The following IL1RAPL2 variants were observed in gnomAD, a reference collection of about 807,000 sequenced individuals.
IL1RAPL2 encodes the protein interleukin 1 receptor accessory protein like 2.
IL1RAPL2 carries 3 observed loss-of-function variants against 44.1 expected under a neutral mutation model. That is an observed-to-expected ratio of 0.07 (90% confidence interval 0.03 to 0.18). IL1RAPL2 has a LOEUF of 0.18. Among genes scored for constraint, IL1RAPL2 ranks in the 10% least tolerant of loss-of-function variants. The probability of loss-of-function intolerance (pLI) is 1.00; values close to 1 mark genes in which losing one functional copy is unlikely to be tolerated. For synonymous variants in IL1RAPL2, 181 were observed against 178.8 expected (o/e 1.01, Z -0.10); for missense variants, 391 against 496.4 (o/e 0.79, Z 2.02).
At chrX:104,833,573 T>C (rs2147630523) in intron 2 of IL1RAPL2, among the ~76,000 whole-genome samples, 1 of 111,988 alleles carries the variant, frequency 8.9e-6, no homozygotes, top group South Asian at 3.8e-4. Flanking sequence ...CTGGTGTGCA[T>C]ATGGTTCTAC....
chrX:104,796,316 T>G (rs1459261996), intron 2 of IL1RAPL2, among the ~76,000 whole-genome samples: 3 of 112,057 alleles, frequency 2.7e-5, no homozygotes, highest in Non-Finnish European at 5.6e-5. Context: ...GTATCATTAT[T>G]GTTAAATATT....
chrX:104,844,499 C>T (rs1203060170), intron 2 of IL1RAPL2, among the ~76,000 whole-genome samples: 1 of 111,054 alleles, frequency 9.0e-6, no homozygotes, highest in Non-Finnish European at 1.9e-5. Flanking sequence ...GCAGTATTTA[C>T]AGGGTTATCC....
chrX:105,673,670 T>C (rs112457448), intron 6 of IL1RAPL2, among the ~76,000 whole-genome samples: 1,810 of 111,930 alleles, frequency 0.016, 16 homozygotes, highest in Middle Eastern at 0.032. Context: ...TTTTATTTCT[T>C]TGGGTATCTA....
intron 2 of IL1RAPL2, among the ~76,000 whole-genome samples, chrX:104,669,691 G>A: frequency 9.0e-6 from 1 of 111,633 alleles, no homozygotes. Context: ...TGATTCTAAT[G>A]TACAGCCAGG....
chrX:105,247,628 T>C (rs903842404), intron 4 of IL1RAPL2, among the ~76,000 whole-genome samples: 3 of 108,393 alleles, frequency 2.8e-5, no homozygotes, highest in African/African-American at 1.0e-4. Flanking sequence ...TGTGTGTGTG[T>C]GTGTGTGTGT....
At position 104,688,640 on chromosome X, in the gene IL1RAPL2, A is replaced by G. The variant is rs749115165; in HGVS notation, c.82+29645A>G. Among the ~76,000 whole-genome samples the G allele has an allele frequency of 1.5e-3, 170 of 111,753 alleles. 2 individuals are homozygous for G. Among genetic ancestry groups the G allele is most frequent in the African/African-American group, 5.4e-3 (167 of 30,852 alleles). ...GCCATGGAATGATTTAATATTTTTC[A>G]TATAACCTCTTCCTACTAAGATTTT... On this transcript the variant is annotated intron_variant, in intron 2 of 10. Coordinates refer to ENST00000372582, the MANE Select transcript of IL1RAPL2 (RefSeq NM_017416.2).
Position 104,896,575 on chromosome X carries a change from C to G in IL1RAPL2, c.82+237580C>G, listed in dbSNP as rs1020886832. On this transcript the variant is annotated intron_variant, in intron 2 of 10. Coordinates refer to ENST00000372582, the MANE Select transcript of IL1RAPL2 (RefSeq NM_017416.2). Reference sequence around the variant, plus strand: ...GTCTAGCTAAAGGATTTTAAACACACCAATCAGTGCTCTATCTAGCTAAAG... The same window carrying G: ...GTCTAGCTAAAGGATTTTAAACACAGCAATCAGTGCTCTATCTAGCTAAAG... 1.3e-4 allele frequency among the ~76,000 whole-genome samples: 15 copies of G among 111,386 alleles called. No individual in the cohort carries two copies. The Admixed American group carries it at 1.4e-3, about 11-fold the overall frequency.
chrX:105,719,412 G>C (rs1402405873), intron 7 of IL1RAPL2, among the ~76,000 whole-genome samples: 1 of 111,707 alleles, frequency 9.0e-6, no homozygotes, highest in Admixed American at 9.5e-5. Context: ...AGATGTGATA[G>C]CTAAAGTGTA....
chrX:104,954,655 GC>G (rs1318699134), intron 2 of IL1RAPL2, among the ~76,000 whole-genome samples: 1 of 111,882 alleles, frequency 8.9e-6, no homozygotes, highest in Admixed American at 9.5e-5. Flanking sequence ...TCCTGCTTCA[GC>G]CTCGCAAGTA....
chrX:104,723,364 TACTA>T (rs1931723865), intron 2 of IL1RAPL2, among the ~76,000 whole-genome samples: 1 of 111,087 alleles, frequency 9.0e-6, no homozygotes, highest in Non-Finnish European at 1.9e-5. Flanking sequence ...AACGTCCTGT[TACTA>T]ACCCTTGGAA....
chrX:105,642,412 A>G (rs139116293), intron 6 of IL1RAPL2, among the ~76,000 whole-genome samples: 12 of 111,783 alleles, frequency 1.1e-4, no homozygotes, highest in African/African-American at 2.9e-4. Context: ...ACATCATTAA[A>G]CATCATTACA....
intron 2 of IL1RAPL2, among the ~76,000 whole-genome samples, chrX:104,700,525 T>C (rs1931257450): frequency 8.9e-6 from 1 of 112,106 alleles, no homozygotes; most frequent in Non-Finnish European, 1.9e-5. Flanking sequence ...TCAGTCTCAC[T>C]TCTCAAGGTC....
intron 6 of IL1RAPL2, among the ~76,000 whole-genome samples, chrX:105,713,053 G>A (rs1313444597): frequency 8.9e-6 from 1 of 112,504 alleles, no homozygotes; most frequent in Non-Finnish European, 1.9e-5. Flanking sequence ...GCCTTGGGCA[G>A]CTCTGCCCCT....
chrX:105,050,207 T>C (rs2031899640), intron 2 of IL1RAPL2, among the ~76,000 whole-genome samples: 1 of 112,120 alleles, frequency 8.9e-6, no homozygotes, highest in Non-Finnish European at 1.9e-5. Flanking sequence ...ATCCTGTTTC[T>C]GTCCATAGGT....
chrX:105,596,229 A>T (rs373104330), intron 6 of IL1RAPL2, among the ~76,000 whole-genome samples: 1 of 109,387 alleles, frequency 9.1e-6, no homozygotes, highest in East Asian at 2.9e-4. Flanking sequence ...CTTGAGGGGT[A>T]ATATTTGTTT....
intron 5 of IL1RAPL2, 68 bp downstream of exon 5, chrX:105,267,609 G>GCA: frequency 1.1e-6 from 1 of 870,387 alleles, no homozygotes; most frequent in African/African-American, 2.0e-5. Flanking sequence ...GGAAGCAAGA[G>GCA]TTTTGTTCAA....
chrX:105,512,169 C>T (rs2147786236), intron 6 of IL1RAPL2, among the ~76,000 whole-genome samples: 1 of 110,986 alleles, frequency 9.0e-6, no homozygotes, highest in East Asian at 2.9e-4. Context: ...TTAATATGTT[C>T]CAATTGAACA....
chrX:104,615,204 A>T (rs1449317292), intron 1 of IL1RAPL2, among the ~76,000 whole-genome samples: 1 of 111,263 alleles, frequency 9.0e-6, no homozygotes, highest in East Asian at 2.8e-4. Context: ...CTTAGCACTT[A>T]CTTGTCTGGA....
intron 2 of IL1RAPL2, among the ~76,000 whole-genome samples, chrX:104,661,965 A>G (rs190549650): frequency 3.6e-5 from 4 of 112,206 alleles, no homozygotes; most frequent in African/African-American, 1.3e-4. Flanking sequence ...TATGCAGTTC[A>G]TTGTAGACAC....
Sources: allele counts gnomAD v4.1 joint callset (sites outside exome capture counted in the v4.1 genomes callset), GRCh38; gene constraint gnomAD v4.1.1; transcripts MANE v1.5; gene names NCBI Gene and HGNC (gene_info 2026-07-23, HGNC 2026-07-21).